Variants in ATG9B observed in about 807,000 individuals in gnomAD.
ATG9B encodes the protein autophagy-related protein 9B.
In ATG9B, 92 loss-of-function variants were observed where a neutral mutation model predicts 92.9. The ratio of observed to expected loss-of-function variants is 0.99; its 90% CI spans 0.84 to 1.18. The LOEUF (loss-of-function observed/expected upper bound fraction) is 1.18, where lower values mean the gene tolerates loss of function less well. Ranked by LOEUF, ATG9B falls within the 50% of genes most tolerant of loss-of-function variation. ATG9B has a pLI of 0.00. For synonymous variants in ATG9B, 599 were observed against 551.4 expected (o/e 1.09, Z -1.21); for missense variants, 1,344 against 1,235.0 (o/e 1.09, Z -1.32).
chr7:151,012,419 T>C (rs767050243), downstream of ATG9B: 7 of 1,608,996 alleles, frequency 4.4e-6, no homozygotes, highest in Non-Finnish European at 5.1e-6. Flanking sequence ...GGCACTGGCA[T>C]TGCCCCCTTC....
At chr7:151,016,586 G>T (rs1211994714) in intron 10 of ATG9B, 59 bp from the exon 11 acceptor site, 2 of 1,545,098 alleles carry the variant, frequency 1.3e-6, no homozygotes, top group Non-Finnish European at 1.7e-6. Flanking sequence ...CACCCCAGAG[G>T]ACTCCCCTTC....
chr7:151,012,997 G>A (rs1795340166), downstream of ATG9B: 1 of 544,810 alleles, frequency 1.8e-6, no homozygotes, highest in Non-Finnish European at 3.2e-6. Context: ...GCATTCTAGC[G>A]CAGCTCCACC....
chr7:151,024,360 G>A lies in ATG9B; in HGVS notation c.64C>T (p.Pro22Ser). 1 of 1,389,058 alleles carries A rather than the reference G, an allele frequency of 7.2e-7. No individual in the cohort carries two copies. The highest frequency in any genetic ancestry group is 9.4e-7 in the Non-Finnish European group (1 of 1,066,776). 86.0% of individuals were successfully genotyped at this position (1,389,058 alleles called of 1,614,324 possible). ...RRLGRWGDLG[P>S]GSVPLLPMPL... Reference sequence around the variant, plus strand: ...ATGGGGAGGAGGGGCACCGATCCGGGCCCCAGATCTCCCCACCGCCCCAGC... The same window carrying A: ...ATGGGGAGGAGGGGCACCGATCCGGACCCCAGATCTCCCCACCGCCCCAGC... The change falls in exon 1 of 14, where the codon CCC (proline) becomes TCC (serine). Residue 22 changes from proline to serine, a missense_variant. Pro to Ser is a moderately conservative substitution (Grantham distance 74). Transcript: ENST00000639579.
At chr7:151,016,929 C>A (rs1288833217) in intron 9 of ATG9B, 107 bp downstream of exon 9, 20 of 1,499,338 alleles carry the variant, frequency 1.3e-5, no homozygotes, top group Non-Finnish European at 1.6e-5. Context: ...AGGCTGGGGG[C>A]GGGGGCTGGT....
In ATG9B at chr7:151,016,730, G is replaced by A; in HGVS notation, c.2381C>T (p.Ala794Val). ...PTAPCPAAAT[A>V]SLLASISRIA... ...TCGGGAAATGGAGGCAAGGAGGCTG[G>A]CTGTGGCCGCAGCTGGACAGGGGGC... is the stretch of plus-strand genomic sequence containing the variant. The change falls in exon 10 of 14, where the codon GCC becomes GTC. Residue 794 changes from alanine (A) to valine (V), a missense_variant. Ala to Val is a moderately conservative substitution (Grantham distance 64). Transcript: ENST00000639579. 6.2e-7 allele frequency: 1 copy of A among 1,611,390 alleles called. No individual in the cohort carries two copies. Among genetic ancestry groups the A allele is most frequent in the Admixed American group, 1.7e-5 (1 of 59,792 alleles).
In ATG9B at chr7:151,024,459, G is replaced by A. The variant is rs148292057; in HGVS notation, c.-36C>T. Reference sequence around the variant, plus strand: ...CTTCTCCAGAAAGGTTGGAAGGATGGGAGCTGTTGTTGCTTCCACAAAGGT... The same window carrying A: ...CTTCTCCAGAAAGGTTGGAAGGATGAGAGCTGTTGTTGCTTCCACAAAGGT... On this transcript the variant is annotated 5_prime_UTR_variant, in exon 1 of 14. Coordinates refer to ENST00000639579, the MANE Select transcript of ATG9B (RefSeq NM_001317056.2). 6 of 1,303,530 alleles carry A rather than the reference G, an allele frequency of 4.6e-6. No individual in the cohort carries two copies. The highest frequency in any genetic ancestry group is 2.9e-4 in the Middle Eastern group (1 of 3,508). 80.7% of individuals were successfully genotyped at this position (1,303,530 alleles called of 1,614,324 possible).
chr7:151,016,109 C>T lies in ATG9B; in HGVS notation c.2647G>A (p.Gly883Ser), dbSNP rs1279542366. Residue 883 changes from glycine to serine, a missense_variant and splice_region_variant, in exon 12 of 14, where the codon GGC becomes AGC. By Grantham distance (56) the Gly-to-Ser change is moderately conservative (BLOSUM62 0). Transcript: ENST00000639579. ...CCCCTGCAGGCCCCACCCTCCTCACCGTCACTTGACCAGGATGGCTTCTCC... is the reference window on the plus strand; with the variant it reads ...CCCCTGCAGGCCCCACCCTCCTCACTGTCACTTGACCAGGATGGCTTCTCC... ...DEEKPSWSSD[G>S]SSPASSPRQQ... 22 of 1,537,196 alleles carry T rather than the reference C, an allele frequency of 1.4e-5. 1 individual carries two copies. The highest frequency in any genetic ancestry group is 1.7e-4 in the Middle Eastern group (1 of 5,916).
Position 151,015,897 on chromosome 7 carries a change from C to CA in ATG9B, c.2773dup (p.Ter925LeufsTer48), listed in dbSNP as rs1466741422. 2.6e-6 allele frequency: 4 copies of CA among 1,551,264 alleles called. No homozygotes were observed. The highest frequency in any genetic ancestry group is 3.5e-6 in the Non-Finnish European group (4 of 1,146,836). ...CAATACTGACCCTGAGGAGTCGTCT[C>CA]AGTCAGTGCAAGAGGCCCGGTCAGG... is the stretch of plus-strand genomic sequence containing the variant. On this transcript the variant is annotated frameshift_variant and stop_lost, in exon 13 of 14. Coordinates refer to ENST00000639579, the MANE Select transcript of ATG9B (RefSeq NM_001317056.2). LOFTEE classifies it high-confidence loss of function.
At position 151,024,446 on chromosome 7, in the gene ATG9B, G is replaced by A. The variant is rs529332630; in HGVS notation, c.-23C>T. On this transcript the variant is annotated 5_prime_UTR_variant, in exon 1 of 14. Transcript: ENST00000639579. ...CATCAGGCCACGGCTTCTCCAGAAA[G>A]GTTGGAAGGATGGGAGCTGTTGTTG... 3.0e-6 allele frequency: 4 copies of A among 1,321,884 alleles called. No homozygotes were observed. The highest frequency in any genetic ancestry group is 2.8e-5 in the East Asian group (1 of 35,170). The allele number at this position is 1,321,884 out of a possible 1,614,324, so 81.9% of individuals were successfully genotyped here.
At chr7:151,019,684 C>A (rs114342813) in intron 5 of ATG9B, among the ~76,000 whole-genome samples, 3,048 of 152,278 alleles carry the variant, frequency 0.02, 106 homozygotes, top group African/African-American at 0.069. Flanking sequence ...GACCTGGCTT[C>A]TCAGCTCCTT....
chr7:151,016,089 G>A lies in ATG9B; in HGVS notation c.2647+20C>T. 1 of 1,540,472 alleles carries A rather than the reference G, an allele frequency of 6.5e-7. No homozygotes were observed. Among genetic ancestry groups the A allele is most frequent in the Non-Finnish European group, 8.8e-7 (1 of 1,140,612 alleles). On this transcript the variant is annotated intron_variant, in intron 12 of 13. Coordinates refer to ENST00000639579, the MANE Select transcript of ATG9B (RefSeq NM_001317056.2). ...CAGTGTCCACCAGGCTCTGTCCCCT[G>A]CAGGCCCCACCCTCCTCACCGTCAC...
In ATG9B at chr7:151,017,113, CTTG is replaced by C. The variant is rs779910332; in HGVS notation, c.2209_2211del (p.Gln737del). 1.7e-5 allele frequency: 27 copies of C among 1,612,266 alleles called. 1 individual carries two copies. The South Asian group carries it at 1.8e-4, about 11-fold the overall frequency. ...GAGGTGGCACCCCAGGCAGCTGCATCTTGTTGTACTCGGCCCCAGAGGTGCCCA... is the reference window on the plus strand; with the variant it reads ...GAGGTGGCACCCCAGGCAGCTGCATCTTGTACTCGGCCCCAGAGGTGCCCA... On this transcript the variant is annotated inframe_deletion, in exon 9 of 14. Transcript: ENST00000639579.
In ATG9B at chr7:151,016,025, T is replaced by G; in HGVS notation, c.2648-2A>C. 6.4e-7 allele frequency: 1 copy of G among 1,551,258 alleles called. No individual in the cohort carries two copies. Among genetic ancestry groups the G allele is most frequent in the Non-Finnish European group, 8.7e-7 (1 of 1,146,828 alleles). On this transcript the variant is annotated splice_acceptor_variant, in intron 12 of 13. Coordinates refer to ENST00000639579, the MANE Select transcript of ATG9B (RefSeq NM_001317056.2). LOFTEE classifies it high-confidence loss of function. ...TGGGGCTAGAGGCAGGACTGGAGCCTGGTGAAAAAGGCCATCAGCTGGGCA... is the reference window on the plus strand; with the variant it reads ...TGGGGCTAGAGGCAGGACTGGAGCCGGGTGAAAAAGGCCATCAGCTGGGCA...
Position 151,019,183 on chromosome 7 carries a change from C to T in ATG9B, c.1155G>A (p.Trp385Ter). Reference protein sequence around the residue: ...GLLPARCPLPWGGSAAFLSRG... With the variant: ...GLLPARCPLP ...GGCTGAGGAAAGCCGCACTGCCTCC[C>T]CAGGGCAGCGGGCAGCGGGCCGGCA... is the stretch of plus-strand genomic sequence containing the variant. Residue 385 changes from tryptophan (W) to a stop codon, truncating the protein, a stop_gained, in exon 6 of 14, where the codon TGG (tryptophan) becomes TGA (stop). Coordinates refer to ENST00000639579, the MANE Select transcript of ATG9B (RefSeq NM_001317056.2). LOFTEE classifies it high-confidence loss of function. 1 of 1,536,990 alleles carries T rather than the reference C, an allele frequency of 6.5e-7. No homozygotes were observed.
downstream of ATG9B, chr7:151,014,388 G>A: frequency 1.9e-6 from 1 of 527,310 alleles, no homozygotes; most frequent in South Asian, 3.1e-5. Context: ...TAATCTGGAA[G>A]GCCCCTCCCA....
At chr7:151,019,458 C>A in intron 5 of ATG9B, 84 bp from the exon 6 acceptor site, 1 of 1,453,988 alleles carries the variant, frequency 6.9e-7, no homozygotes, top group Non-Finnish European at 9.0e-7. Flanking sequence ...AGTGTGCGGC[C>A]TGAAAACCCG....
At chr7:151,013,822 C>T (rs768148055), downstream of ATG9B, 10 of 1,609,336 alleles carry the variant, frequency 6.2e-6, no homozygotes, top group East Asian at 2.2e-4. Flanking sequence ...GCGATGTTAC[C>T]ATGGCAACCA....
Position 151,023,978 on chromosome 7 carries a change from T to C in ATG9B, c.446A>G (p.Gln149Arg), listed in dbSNP as rs1795853311. The C allele has an allele frequency of 6.3e-7, 1 of 1,592,918 alleles. No individual in the cohort carries two copies. The change falls in exon 1 of 14, where the codon CAG (glutamine) becomes CGG (arginine). Residue 149 changes from glutamine (Q) to arginine (R), a missense_variant. By Grantham distance (43) the Gln-to-Arg change is conservative (BLOSUM62 1). Transcript: ENST00000639579. ...GLRVGPLIPE[Q>R]DYERLEDCDP... Reference sequence around the variant, plus strand: ...ACAGTCCTCCAGCCGCTCATAATCCTGTTCAGGGATCAAAGGGCCTACCCG... The same window carrying C: ...ACAGTCCTCCAGCCGCTCATAATCCCGTTCAGGGATCAAAGGGCCTACCCG...
Position 151,018,642 on chromosome 7 carries a change from C to T in ATG9B, c.1696G>A (p.Gly566Arg), listed in dbSNP as rs747535822. ...CACCTGGCGACGGTGGCGGTGACCCCGAGCGCGGTCATGGCGGTGAGCACG... is the reference window on the plus strand; with the variant it reads ...CACCTGGCGACGGTGGCGGTGACCCTGAGCGCGGTCATGGCGGTGAGCACG... Reference protein sequence around the residue: ...EHVLTAMTALGVTATVARSFI... With the variant: ...EHVLTAMTALRVTATVARSFI... Residue 566 changes from glycine to arginine, a missense_variant, in exon 6 of 14, where the codon GGG becomes AGG. By Grantham distance (125) the Gly-to-Arg change is moderately radical. Transcript: ENST00000639579. This position sits in a 1 kb window ranked among gnomAD's most constrained non-coding sequence, Gnocchi z 4.7. 2.1e-5 allele frequency: 33 copies of T among 1,606,342 alleles called. No individual in the cohort carries two copies. The highest frequency in any genetic ancestry group is 1.6e-4 in the Middle Eastern group (1 of 6,068).
Sources: gnomAD v4.1 joint callset for allele counts (sites outside exome capture counted in the v4.1 genomes callset) on GRCh38, gnomAD v4.1.1 for gene constraint, Gnocchi (gnomAD v3.1) non-coding constraint, MANE v1.5 for transcripts, NCBI Gene and HGNC (gene_info 2026-07-23, HGNC 2026-07-21) for gene names.